Variants in MYLK2 observed in about 807,000 individuals in gnomAD.
MYLK2 encodes myosin light chain kinase 2.
A neutral mutation model predicts 58.2 loss-of-function variants in MYLK2; 27 were observed. That is an observed-to-expected ratio of 0.46 (90% CI 0.34 to 0.64). The LOEUF (loss-of-function observed/expected upper bound fraction) is 0.64. MYLK2 is among the 30% of genes least tolerant of loss of function. MYLK2 has a pLI of 0.01. For missense variants in MYLK2, 676 were observed against 764.3 expected, an observed-to-expected ratio of 0.88 and a Z score of 1.36; for synonymous variants, 310 against 296.7, an observed-to-expected ratio of 1.04 and a Z score of -0.46.
chr20:31,821,385 G>GA, intron 3 of MYLK2, 54 bp from the exon 4 acceptor site: 1 of 1,608,716 alleles, frequency 6.2e-7, no homozygotes, highest in East Asian at 2.2e-5. Context: ...AGACTTGCCT[G>GA]ATGCCACAGG....
At position 31,831,773 on chromosome 20, in the gene MYLK2, T is replaced by A. The variant is rs1279963761; in HGVS notation, c.1495T>A (p.Trp499Arg). The A allele has an allele frequency of 4.4e-5, 71 of 1,614,076 alleles. No homozygotes were observed. Among genetic ancestry groups the A allele is most frequent in the Non-Finnish European group, 5.9e-5 (70 of 1,180,010 alleles). Residue 499 changes from tryptophan to arginine, a missense_variant, in exon 11 of 13, where the codon TGG becomes AGG. Trp to Arg is a moderately radical substitution (Grantham distance 101, BLOSUM62 -3). Transcript: ENST00000375985. ...ETLNNVLSGN[W>R]YFDEETFEAV... ...CCTAAACAACGTTCTATCTGGCAAC[T>A]GGTACTTTGATGAAGAGACCTTTGA...
chr20:31,830,962 G>A (rs1334768754), intron 9 of MYLK2, 51 bp from the exon 10 acceptor site: 1 of 1,613,958 alleles, frequency 6.2e-7, no homozygotes, highest in Non-Finnish European at 8.5e-7. Flanking sequence ...GGTGGAGGGG[G>A]CATGGGTATA....
chr20:31,826,502 A>G (rs888604500), intron 6 of MYLK2, 103 bp from the exon 7 acceptor site: 7 of 1,512,802 alleles, frequency 4.6e-6, no homozygotes, highest in Admixed American at 1.9e-5. Context: ...CTGAGCAGTG[A>G]TCTGGGCAAG....
chr20:31,820,239 G>T lies in MYLK2; in HGVS notation c.166G>T (p.Ala56Ser). 1 of 1,614,060 alleles carries T rather than the reference G, an allele frequency of 6.2e-7. No individual in the cohort carries two copies. The highest frequency in any genetic ancestry group is 1.1e-5 in the South Asian group (1 of 91,086). ...ACCCACCCTGAAGAAAGATGCCAAA[G>T]CCCCTGCCTCAGAGAAAGGGGATGG... Reference protein sequence around the residue: ...DPPTLKKDAKAPASEKGDGTL... With the variant: ...DPPTLKKDAKSPASEKGDGTL... Residue 56 changes from alanine to serine, a missense_variant, in exon 3 of 13, where the codon GCC becomes TCC. By Grantham distance (99) the Ala-to-Ser change is moderately conservative. Coordinates refer to ENST00000375985, the MANE Select transcript of MYLK2 (RefSeq NM_033118.4).
intron 4 of MYLK2, among the ~76,000 whole-genome samples, chr20:31,822,691 C>T (rs1318344350): frequency 6.6e-6 from 1 of 152,096 alleles, no homozygotes; most frequent in Non-Finnish European, 1.5e-5. Context: ...GGGAGACCCG[C>T]CAGCCTGCCT....
In MYLK2 at chr20:31,830,886, G is replaced by A. The variant is rs200390693; in HGVS notation, c.1292G>A (p.Arg431Gln). The change falls in exon 9 of 13, where the codon CGG (arginine) becomes CAG (glutamine). Residue 431 changes from arginine (R) to glutamine (Q), a missense_variant. Physicochemically the swap from Arg to Gln is conservative, Grantham distance 43. Around this residue, in one of 2 missense-constraint regions of MYLK2, gnomAD observed 370 missense variants for 467.8 expected, o/e 0.79. Coordinates refer to ENST00000375985, the MANE Select transcript of MYLK2 (RefSeq NM_033118.4). ...AAGATCATTGACTTTGGCCTGGCAC[G>A]GAGGTACCACCTGGGTGGGTGGGGA... is the stretch of plus-strand genomic sequence containing the variant. Reference protein sequence around the residue: ...LVKIIDFGLARRYNPNEKLKV... With the variant: ...LVKIIDFGLAQRYNPNEKLKV... The A allele has an allele frequency of 6.2e-6, 10 of 1,613,938 alleles. 1 individual carries two copies. In the East Asian group the frequency reaches 8.9e-5, roughly 14 times the overall value.
chr20:31,827,804 C>T (rs1379033563), intron 8 of MYLK2, among the ~76,000 whole-genome samples: 1 of 151,794 alleles, frequency 6.6e-6, no homozygotes, highest in Non-Finnish European at 1.5e-5. Context: ...CAGACATGAG[C>T]CACTGTTCCC....
intron 8 of MYLK2, chr20:31,828,692 T>G: frequency 2.0e-6 from 2 of 985,426 alleles, no homozygotes; most frequent in Non-Finnish European, 2.4e-6. Context: ...GAGATGCTGT[T>G]GCCGCCTCTA....
At chr20:31,830,910 G>T (rs1413185328) in intron 9 of MYLK2, 21 bp downstream of exon 9, 9 of 1,579,844 alleles carry the variant, frequency 5.7e-6, no homozygotes, top group Non-Finnish European at 6.9e-6. Flanking sequence ...GGTGGGTGGG[G>T]AGGGCAAGAC....
intron 3 of MYLK2, 106 bp from the exon 4 acceptor site, chr20:31,821,332 AT>A: frequency 7.5e-7 from 1 of 1,338,826 alleles, no homozygotes; most frequent in Non-Finnish European, 1.1e-6. Flanking sequence ...GTATTACACC[AT>A]GCATTTGGGG....
chr20:31,826,896 C>A lies in MYLK2; in HGVS notation c.1182C>A (p.Ile394=). ...MVFVRQICDG[I]LFMHKMRVLH... ...TTGTCAGGCAGATCTGTGACGGGAT[C>A]CTCTTCATGCACAAGATGAGGGTTT... Residue 394 remains isoleucine (I), a synonymous_variant, in exon 8 of 13, where the codon ATC becomes ATA. Coordinates refer to ENST00000375985, the MANE Select transcript of MYLK2 (RefSeq NM_033118.4). The A allele has an allele frequency of 6.2e-7, 1 of 1,614,080 alleles. No individual in the cohort carries two copies. The highest frequency in any genetic ancestry group is 8.5e-7 in the Non-Finnish European group (1 of 1,180,018).
Position 31,820,263 on chromosome 20 carries a change from G to T in MYLK2, c.190G>T (p.Gly64Cys). The T allele has an allele frequency of 6.2e-7, 1 of 1,613,952 alleles. No individual in the cohort carries two copies. Among genetic ancestry groups the T allele is most frequent in the Non-Finnish European group, 8.5e-7 (1 of 1,180,028 alleles). Residue 64 changes from glycine to cysteine, a missense_variant, in exon 3 of 13, where the codon GGT becomes TGT. By Grantham distance (159) the Gly-to-Cys change is radical. This residue lies in a region of MYLK2 where 306 missense variants were observed against 296.5 expected (regional missense o/e 1.03). Transcript: ENST00000375985. ...AKAPASEKGD[G>C]TLAQPSTSSQ... ...AGCCCCTGCCTCAGAGAAAGGGGAT[G>T]GTACCCTGGCCCAACCCTCAACTAG... is the stretch of plus-strand genomic sequence containing the variant.
In MYLK2 at chr20:31,823,495, C is replaced by G; in HGVS notation, c.791C>G (p.Pro264Arg). The G allele has an allele frequency of 6.2e-7, 1 of 1,613,348 alleles. No individual in the cohort carries two copies. Among genetic ancestry groups the G allele is most frequent in the East Asian group, 2.2e-5 (1 of 44,886 alleles). Residue 264 changes from proline (P) to arginine (R), a missense_variant, in exon 5 of 13, where the codon CCG becomes CGG. Around this residue, in one of 2 missense-constraint regions of MYLK2, gnomAD observed 370 missense variants for 467.8 expected, o/e 0.79. Transcript: ENST00000375985. ...CCCCCAGATGATTGCCCGCCACCTC[C>G]GGCCCCCTTCCCTCACCGCATGGTG... ...FQILDDCPPPPAPFPHRMVEL... is the reference protein window; with the variant it reads ...FQILDDCPPPRAPFPHRMVEL...
intron 3 of MYLK2, 52 bp downstream of exon 3, chr20:31,820,598 G>T (rs752791785): frequency 6.3e-7 from 1 of 1,589,382 alleles, no homozygotes; most frequent in Non-Finnish European, 8.5e-7. Context: ...CTGTCCCTAG[G>T]GGTCCTGCTT....
At chr20:31,823,956 G>A in intron 5 of MYLK2, 1 of 985,238 alleles carries the variant, frequency 1.0e-6, no homozygotes, top group Non-Finnish European at 1.2e-6. Context: ...CCTCCCCCAG[G>A]GCCCAGGGCC....
intron 8 of MYLK2, chr20:31,827,515 T>C (rs1397315100): frequency 2.0e-6 from 2 of 985,206 alleles, no homozygotes; most frequent in African/African-American, 1.7e-5. Context: ...GAAAGAATAT[T>C]GATATCCTTC....
chr20:31,825,003 G>A (rs994651130), intron 6 of MYLK2, among the ~76,000 whole-genome samples: 9 of 152,192 alleles, frequency 5.9e-5, no homozygotes, highest in African/African-American at 2.2e-4. Context: ...GGGCTTTGAG[G>A]AGACGTTCCA....
Position 31,833,807 on chromosome 20 carries a change from G to A in MYLK2, c.*10G>A, listed in dbSNP as rs369599364. 25 of 1,610,456 alleles carry A rather than the reference G, an allele frequency of 1.6e-5. No homozygotes were observed. The highest frequency in any genetic ancestry group is 6.6e-5 in the South Asian group (6 of 91,066). On this transcript the variant is annotated 3_prime_UTR_variant, in exon 13 of 13. Transcript: ENST00000375985. ...GGCTCTGGGGGTCTGAGCCCTGGGC[G>A]CAGCTGAAGCCTGGACGCAGCCACA...
rs892663559 is a variant in MYLK2 at position 31,831,987 on chromosome 20, T to C, written c.1578-17T>C. On this transcript the variant is annotated splice_polypyrimidine_tract_variant and intron_variant, in intron 11 of 12. Transcript: ENST00000375985. ...ACGAGCATGCAGCCCACCGTCACCA[T>C]GCTGCCTCTCCCCCAGGGCCCGGAT... The C allele has an allele frequency of 5.6e-6, 9 of 1,611,824 alleles. No homozygotes were observed. In the Admixed American group the frequency reaches 8.4e-5, roughly 15 times the overall value.
Sources: gnomAD v4.1 joint callset for allele counts (sites outside exome capture counted in the v4.1 genomes callset) on GRCh38, gnomAD v4.1.1 for gene constraint, gnomAD v4.1.1 regional missense constraint, MANE v1.5 for transcripts, NCBI Gene and HGNC (gene_info 2026-07-23, HGNC 2026-07-21) for gene names.